IQCB1: variants seen among roughly 807,000 people sequenced by gnomAD.
IQCB1 encodes IQ calmodulin-binding motif-containing protein 1.
IQCB1 carries 56 observed loss-of-function variants against 84.4 expected under a neutral mutation model. That is an observed-to-expected ratio of 0.66 (90% CI 0.54 to 0.83). The LOEUF is 0.83. Among genes scored for constraint, IQCB1 ranks in the 40% least tolerant of loss-of-function variants. The pLI is 0.00. For missense variants in IQCB1, 629 were observed against 682.1 expected, an observed-to-expected ratio of 0.92 and a Z score of 0.87; for synonymous variants, 210 against 234.8, an observed-to-expected ratio of 0.89 and a Z score of 0.96.
rs1437135517 is a variant in IQCB1, at chr3:121,828,521, G to A, written c.212C>T (p.Ser71Phe). 1.2e-6 allele frequency: 2 copies of A among 1,612,794 alleles called. No individual in the cohort carries two copies. The highest frequency in any genetic ancestry group is 1.7e-6 in the Non-Finnish European group (2 of 1,179,076). ...TGTAGTCCAACCACCCTGGATTCGA[G>A]AATAATCTTGACTGAGGACCAAGAG... The part of the protein sequence containing the change: ...YCLLVLSQDY[S>F]RIQGGWTTIS... Residue 71 changes from serine (S) to phenylalanine (F), a missense_variant, in exon 4 of 15, where the codon TCT (serine) becomes TTT (phenylalanine). By Grantham distance (155) the Ser-to-Phe change is radical (BLOSUM62 -2). Transcript: ENST00000310864.
Position 121,807,341 on chromosome 3 carries a change from C to A in IQCB1, c.587+3G>T. 2.1e-6 allele frequency: 3 copies of A among 1,413,310 alleles called. No individual in the cohort carries two copies. The South Asian group carries it at 3.5e-5, about 16-fold the overall frequency. 87.5% of individuals were successfully genotyped at this position (1,413,310 alleles called of 1,614,324 possible). A position where few individuals can be genotyped will look rare whatever the true frequency, so the allele number is the denominator to read the frequency against. On this transcript the variant is annotated splice_donor_region_variant and intron_variant, in intron 7 of 14. Coordinates refer to ENST00000310864, the MANE Select transcript of IQCB1 (RefSeq NM_001023570.4). ...CAGTAACATTTTGTAAAAACCAAGT[C>A]ACCTGTTGATCTGTAGTATATTCTG...
intron 10 of IQCB1, among the ~76,000 whole-genome samples, chr3:121,791,086 T>C (rs1370846442): frequency 2.0e-5 from 3 of 152,166 alleles, no homozygotes; most frequent in Non-Finnish European, 4.4e-5. Context: ...CTCAAAATGC[T>C]TTCAGACACC....
intron 13 of IQCB1, among the ~76,000 whole-genome samples, chr3:121,778,046 C>T (rs1219708973): frequency 6.6e-6 from 1 of 151,866 alleles, no homozygotes; most frequent in Admixed American, 6.6e-5. Flanking sequence ...TAGCTGGGAC[C>T]ACAGACAGGC....
At chr3:121,795,140 C>A (rs767112890) in intron 10 of IQCB1, among the ~76,000 whole-genome samples, 4 of 151,974 alleles carry the variant, frequency 2.6e-5, no homozygotes, top group Non-Finnish European at 5.9e-5. Context: ...ATTATACACA[C>A]GAAATTATGA....
intron 7 of IQCB1, 30 bp from the exon 8 acceptor site, chr3:121,799,404 C>T (rs1023522957): frequency 7.6e-7 from 1 of 1,314,518 alleles, no homozygotes; most frequent in Non-Finnish European, 1.1e-6. Flanking sequence ...AAAAAAGTAC[C>T]ATTACTAATT....
chr3:121,774,252 A>G (rs1948130014), intron 13 of IQCB1, among the ~76,000 whole-genome samples: 3 of 152,254 alleles, frequency 2.0e-5, no homozygotes, highest in African/African-American at 7.2e-5. Flanking sequence ...ATTAGCTGCT[A>G]TCAAAAACAA....
chr3:121,826,061 T>C lies in IQCB1; in HGVS notation c.383A>G (p.Asn128Ser), dbSNP rs773637512. Residue 128 changes from asparagine (N) to serine (S), a missense_variant, in exon 5 of 15, where the codon AAT becomes AGT. Coordinates refer to ENST00000310864, the MANE Select transcript of IQCB1 (RefSeq NM_001023570.4). Reference protein sequence around the residue: ...LGRQLQTCFINAAKAEEKDEL... With the variant: ...LGRQLQTCFISAAKAEEKDEL... Reference sequence around the variant, plus strand: ...TAAATAAACACATACCTTAGCTGCATTGATAAAACATGTTTGTAATTGTCT... The same window carrying C: ...TAAATAAACACATACCTTAGCTGCACTGATAAAACATGTTTGTAATTGTCT... 5.6e-6 allele frequency: 9 copies of C among 1,612,754 alleles called. No individual in the cohort carries two copies. The highest frequency in any genetic ancestry group is 2.2e-5 in the South Asian group (2 of 91,034).
chr3:121,816,275 T>C (rs150866436), intron 5 of IQCB1, among the ~76,000 whole-genome samples: 4,002 of 152,288 alleles, frequency 0.026, 79 homozygotes, highest in Non-Finnish European at 0.041. Flanking sequence ...TAACTCAAGA[T>C]GGATTAAAGA....
Position 121,795,410 on chromosome 3 carries a change from T to G in IQCB1, c.986+47A>C, listed in dbSNP as rs1022832937. 3.2e-6 allele frequency: 3 copies of G among 941,978 alleles called. No individual in the cohort carries two copies. The African/African-American group carries it at 4.8e-5, about 15-fold the overall frequency. The allele number at this position is 941,978 out of a possible 1,614,324, so 58.4% of individuals were successfully genotyped here. The stretch of plus-strand genomic sequence containing the variant: ...CACCTAAATTTCAATTCAACTGTAC[T>G]CTAGTAAGATTCTATGATCATCAAT... On this transcript the variant is annotated intron_variant, in intron 10 of 14. Transcript: ENST00000310864.
chr3:121,816,117 A>G (rs920603329), intron 5 of IQCB1, among the ~76,000 whole-genome samples: 11 of 152,118 alleles, frequency 7.2e-5, no homozygotes, highest in Non-Finnish European at 1.6e-4. Context: ...ATAACACCAC[A>G]CATCTACAAC....
intron 2 of IQCB1, among the ~76,000 whole-genome samples, chr3:121,829,525 A>C (rs1950561175): frequency 6.6e-6 from 1 of 152,214 alleles, no homozygotes; most frequent in Non-Finnish European, 1.5e-5. Context: ...GGAGTCTTAG[A>C]ATTCTGGTAC....
rs147202972 is a variant in IQCB1, at chr3:121,774,772, CAG to C, written c.1411-2061_1411-2060del. On this transcript the variant is annotated intron_variant, in intron 13 of 14. Coordinates refer to ENST00000310864, the MANE Select transcript of IQCB1 (RefSeq NM_001023570.4). ...ATGGTGAGTTAGTGTTTAAAGGATG[CAG>C]AGTTTCCATTCTGCAAGATGAAAAA... 5.3e-5 allele frequency among the ~76,000 whole-genome samples: 8 copies of C among 152,222 alleles called. No individual in the cohort carries two copies. In the East Asian group the frequency reaches 1.3e-3, roughly 26 times the overall value.
chr3:121,813,716 G>T (rs1198350271), intron 5 of IQCB1, among the ~76,000 whole-genome samples: 1 of 152,180 alleles, frequency 6.6e-6, no homozygotes, highest in Non-Finnish European at 1.5e-5. Flanking sequence ...GCAACAAAAA[G>T]AGCTAACTAT....
rs749043070 is a variant in IQCB1, at chr3:121,795,491, G to C, written c.952C>G (p.Pro318Ala). ...CTCTGCAAAGCAATCACAGCAGATG[G>C]AAGCTTCTTTAATCTCTTTCTTGTC... ...FQTRKRLKKL[P>A]SAVIALQRSF... Residue 318 changes from proline (P) to alanine (A), a missense_variant, in exon 10 of 15, where the codon CCA becomes GCA. Transcript: ENST00000310864. 15 of 1,607,112 alleles carry C rather than the reference G, an allele frequency of 9.3e-6. No individual in the cohort carries two copies. In the Admixed American group the frequency reaches 1.7e-4, roughly 18 times the overall value.
intron 12 of IQCB1, 129 bp from the exon 13 acceptor site, chr3:121,782,003 T>C (rs1948516797): frequency 1.1e-6 from 1 of 913,088 alleles, no homozygotes; most frequent in South Asian, 1.4e-5. Flanking sequence ...AGGAGGGGAA[T>C]GGGACTGTGA....
At chr3:121,832,866 A>G (rs546252857) in intron 2 of IQCB1, among the ~76,000 whole-genome samples, 1 of 152,258 alleles carries the variant, frequency 6.6e-6, no homozygotes, top group Non-Finnish European at 1.5e-5. Flanking sequence ...AAATGCACAC[A>G]GTAGTCATAA....
Position 121,828,892 on chromosome 3 carries a change from C to G in IQCB1, c.69G>C (p.Gln23His). Residue 23 changes from glutamine (Q) to histidine (H), a missense_variant, in exon 3 of 15, where the codon CAG (glutamine) becomes CAC (histidine). Transcript: ENST00000310864. ...ACTTCAACAGTATAACAGGGACATTCTGCTCAGGGCTTTTTGCAACTTCAG... is the reference window on the plus strand; with the variant it reads ...ACTTCAACAGTATAACAGGGACATTGTGCTCAGGGCTTTTTGCAACTTCAG... ...IAAEVAKSPEQNVPVILLKLK... is the reference protein window; with the variant it reads ...IAAEVAKSPEHNVPVILLKLK... 1 of 1,609,364 alleles carries G rather than the reference C, an allele frequency of 6.2e-7. No homozygotes were observed. Among genetic ancestry groups the G allele is most frequent in the Non-Finnish European group, 8.5e-7 (1 of 1,176,766 alleles).
At chr3:121,805,682 G>A (rs543370759) in intron 7 of IQCB1, among the ~76,000 whole-genome samples, 1 of 152,252 alleles carries the variant, frequency 6.6e-6, no homozygotes, top group Admixed American at 6.5e-5. Flanking sequence ...CAGTTTGGCT[G>A]TTGGAAACAG....
chr3:121,781,965 C>T, intron 12 of IQCB1, 91 bp from the exon 13 acceptor site: 1 of 1,263,080 alleles, frequency 7.9e-7, no homozygotes, highest in African/African-American at 1.5e-5. Flanking sequence ...GATCACATTG[C>T]AATAATGATT....
Sources: gnomAD v4.1 joint callset for allele counts (sites outside exome capture counted in the v4.1 genomes callset) on GRCh38, gnomAD v4.1.1 for gene constraint, MANE v1.5 for transcripts, NCBI Gene and HGNC (gene_info 2026-07-23, HGNC 2026-07-21) for gene names.